WASHC3: variants seen among roughly 807,000 people sequenced by gnomAD.
WASHC3 encodes the protein WASH complex subunit 3, also known as WASH complex subunit CCDC53.
A neutral mutation model predicts 26.1 loss-of-function variants in WASHC3; 24 were observed. The ratio of observed to expected loss-of-function variants is 0.92; its 90% CI spans 0.66 to 1.29. The LOEUF (loss-of-function observed/expected upper bound fraction) is 1.29, where lower values mean the gene tolerates loss of function less well. WASHC3 is among the 50% of genes most tolerant of loss of function. The pLI, the probability that WASHC3 is intolerant of heterozygous loss-of-function variation, is 0.00. For missense variants in WASHC3, 214 were observed against 229.6 expected (o/e 0.93, Z 0.44); for synonymous variants, 77 against 75.7 (o/e 1.02, Z -0.09).
In WASHC3 at chr12:102,019,549, A is replaced by G. The variant is rs753941966; in HGVS notation, c.501-6357T>C. On this transcript the variant is annotated intron_variant, in intron 6 of 6. Transcript: ENST00000240079. ...TTAAATACATAAGTGAATTTCCAAA[A>G]AAGATTACATCAACAAAATACAGAA... 5.9e-5 allele frequency among the ~76,000 whole-genome samples: 9 copies of G among 152,234 alleles called. No individual in the cohort carries two copies. In the South Asian group the frequency reaches 1.0e-3, roughly 17 times the overall value.
rs189389639 is a variant in WASHC3 at position 102,024,735 on chromosome 12, G to C, written c.500+1239C>G. On this transcript the variant is annotated intron_variant, in intron 6 of 6. Transcript: ENST00000240079. ...CTCTGTTATTATAGGAGGTCTAACT[G>C]TGTATTTCCAGAAGCAAAAGGAGGT... Among the ~76,000 whole-genome samples the C allele has an allele frequency of 2.0e-3, 303 of 150,136 alleles. 4 individuals carry two copies. The highest frequency in any genetic ancestry group is 7.2e-3 in the African/African-American group (286 of 39,506).
At chr12:102,030,900 A>G (rs1300974850) in intron 5 of WASHC3, among the ~76,000 whole-genome samples, 1 of 152,238 alleles carries the variant, frequency 6.6e-6, no homozygotes, top group Non-Finnish European at 1.5e-5. Flanking sequence ...CTGAACTTTT[A>G]GCAGTATCAT....
chr12:102,062,033 AT>A, upstream of WASHC3: 1 of 1,357,770 alleles, frequency 7.4e-7, no homozygotes, highest in Non-Finnish European at 1.0e-6. Context: ...CAACCCGGTA[AT>A]CACGTCTCAA....
At chr12:102,046,155 T>A (rs757853195) in intron 2 of WASHC3, 36 bp from the exon 3 acceptor site, 19 of 1,233,822 alleles carry the variant, frequency 1.5e-5, no homozygotes, top group Non-Finnish European at 1.3e-5. Flanking sequence ...AAGACTTTAA[T>A]TAAAATAAAC....
intron 6 of WASHC3, among the ~76,000 whole-genome samples, chr12:102,018,811 G>GTCTT (rs1429131681): frequency 2.0e-5 from 3 of 151,430 alleles, no homozygotes; most frequent in African/African-American, 7.3e-5. Flanking sequence ...TAGAGATGAA[G>GTCTT]TCTTATTTAT....
chr12:102,029,614 A>G (rs1877345223), intron 5 of WASHC3, among the ~76,000 whole-genome samples: 1 of 152,222 alleles, frequency 6.6e-6, no homozygotes, highest in African/African-American at 2.4e-5. Flanking sequence ...AAAGTTTTAG[A>G]TTAGAAGGGG....
chr12:102,050,774 C>T (rs1878365846), intron 2 of WASHC3: 1 of 344,774 alleles, frequency 2.9e-6, no homozygotes. Flanking sequence ...CAGGTTTCAC[C>T]TGCAATATGC....
At chr12:102,016,168 G>T (rs1876691791) in intron 6 of WASHC3, among the ~76,000 whole-genome samples, 1 of 151,968 alleles carries the variant, frequency 6.6e-6, no homozygotes, top group African/African-American at 2.4e-5. Flanking sequence ...GGGATTACAG[G>T]CGTGAGCCAC....
At chr12:102,053,061 C>T (rs537684954) in intron 2 of WASHC3, among the ~76,000 whole-genome samples, 3 of 152,040 alleles carry the variant, frequency 2.0e-5, no homozygotes, top group South Asian at 2.1e-4. Flanking sequence ...CCCCCATGGA[C>T]GGAGGCTGCA....
chr12:102,042,495 A>T (rs749256512), intron 4 of WASHC3, among the ~76,000 whole-genome samples: 2 of 152,216 alleles, frequency 1.3e-5, no homozygotes, highest in Non-Finnish European at 2.9e-5. Context: ...GGCTCTTGGC[A>T]CCAGACTGTC....
At chr12:102,017,918 G>A (rs1050586722) in intron 6 of WASHC3, 3 of 283,862 alleles carry the variant, frequency 1.1e-5, no homozygotes, top group Non-Finnish European at 2.0e-5. Flanking sequence ...TCCATCTCCT[G>A]AACTCTCTTC....
intron 5 of WASHC3, among the ~76,000 whole-genome samples, chr12:102,026,923 G>A (rs1004299176): frequency 2.0e-5 from 3 of 152,066 alleles, no homozygotes; most frequent in African/African-American, 4.8e-5. Flanking sequence ...CTCTCACCCC[G>A]TGTGGCATAA....
At chr12:102,057,533 C>T (rs955288317) in intron 2 of WASHC3, among the ~76,000 whole-genome samples, 1 of 151,456 alleles carries the variant, frequency 6.6e-6, no homozygotes, top group Non-Finnish European at 1.5e-5. Flanking sequence ...AAAATTCCAC[C>T]AAAAAATTGT....
At chr12:102,037,785 TTTTTTTG>T (rs951824595) in intron 5 of WASHC3, among the ~76,000 whole-genome samples, 27 of 152,182 alleles carry the variant, frequency 1.8e-4, no homozygotes, top group Middle Eastern at 3.4e-3. Flanking sequence ...TATTCAGTTT[TTTTTTTG>T]TTTTTTGTTT....
chr12:102,017,239 G>C (rs904318626), intron 6 of WASHC3, among the ~76,000 whole-genome samples: 1 of 151,984 alleles, frequency 6.6e-6, no homozygotes. Flanking sequence ...TGTGTAGTAC[G>C]CTATACCATT....
At chr12:102,052,965 A>G (rs1007816041) in intron 2 of WASHC3, among the ~76,000 whole-genome samples, 1 of 151,966 alleles carries the variant, frequency 6.6e-6, no homozygotes, top group Non-Finnish European at 1.5e-5. Flanking sequence ...GGCCCCAGAC[A>G]AATCCCTGTG....
chr12:102,034,584 T>C (rs371626017), intron 5 of WASHC3, among the ~76,000 whole-genome samples: 27 of 152,228 alleles, frequency 1.8e-4, no homozygotes, highest in African/African-American at 5.1e-4. Context: ...AACCAAAAGA[T>C]TATGTTGACA....
At chr12:102,049,166 A>C (rs10778169) in intron 2 of WASHC3, among the ~76,000 whole-genome samples, 46,399 of 152,096 alleles carry the variant, frequency 0.31, 7,503 homozygotes, top group East Asian at 0.42. Flanking sequence ...GACTGTCCTG[A>C]GCACTACAAG....
chr12:102,043,592 A>G (rs1159813376), intron 4 of WASHC3: 2 of 152,410 alleles, frequency 1.3e-5, no homozygotes, highest in Non-Finnish European at 2.9e-5. Flanking sequence ...TACACTGTAT[A>G]TGATAAAGGC....
Sources: allele counts gnomAD v4.1 joint callset (sites outside exome capture counted in the v4.1 genomes callset), GRCh38; gene constraint gnomAD v4.1.1; transcripts MANE v1.5; gene names NCBI Gene and HGNC (gene_info 2026-07-23, HGNC 2026-07-21).